Variants in HEMK2 observed in about 807,000 individuals in gnomAD.
HEMK2 encodes HemK methyltransferase 2, ETF1 glutamine and histone H4 lysine, also known as methyltransferase HEMK2.
chr21:28,841,424 TA>T, the HEMK2 span, among the ~76,000 whole-genome samples: 1 of 34,176 alleles, frequency 2.9e-5, no homozygotes, highest in Non-Finnish European at 4.2e-5. Flanking sequence ...ATTATATATA[TA>T]AAATATATAT....
At chr21:28,715,593 C>A in the HEMK2 span, among the ~76,000 whole-genome samples, 1 of 152,094 alleles carries the variant, frequency 6.6e-6, no homozygotes, top group African/African-American at 2.4e-5. Context: ...TGTAGGTTGT[C>A]TGTTTATTCT....
chr21:28,704,298 C>T, the HEMK2 span, among the ~76,000 whole-genome samples: 1 of 152,074 alleles, frequency 6.6e-6, no homozygotes, highest in Non-Finnish European at 1.5e-5. Flanking sequence ...CTTCTCAGAC[C>T]TCCTAATGCA....
chr21:28,733,064 G>A, the HEMK2 span, among the ~76,000 whole-genome samples: 2 of 152,132 alleles, frequency 1.3e-5, no homozygotes, highest in Admixed American at 1.3e-4. Flanking sequence ...TGGATCACAA[G>A]GTCAGGAGAT....
At chr21:28,840,646 G>A in the HEMK2 span, among the ~76,000 whole-genome samples, 3 of 151,850 alleles carry the variant, frequency 2.0e-5, no homozygotes, top group Admixed American at 6.6e-5. Flanking sequence ...AAACCACAAC[G>A]CAATACTACC....
the HEMK2 span, among the ~76,000 whole-genome samples, chr21:28,748,726 T>C: frequency 3.0e-3 from 464 of 152,314 alleles, 1 homozygote; most frequent in African/African-American, 0.011. Context: ...CTAATCTTCA[T>C]TTTAAAAATT....
the HEMK2 span, among the ~76,000 whole-genome samples, chr21:28,687,730 G>T: frequency 6.9e-4 from 105 of 152,304 alleles, no homozygotes; most frequent in African/African-American, 2.4e-3. Context: ...GTCAACTCAT[G>T]TAAAAGTACG....
At chr21:28,684,981 A>T in the HEMK2 span, among the ~76,000 whole-genome samples, 1 of 152,202 alleles carries the variant, frequency 6.6e-6, no homozygotes. Flanking sequence ...TAGGGAAATG[A>T]GTTCTGCATG....
At chr21:28,639,033 T>C in the HEMK2 span, among the ~76,000 whole-genome samples, 1 of 152,200 alleles carries the variant, frequency 6.6e-6, no homozygotes, top group Non-Finnish European at 1.5e-5. Flanking sequence ...TTTACCAAAC[T>C]GCTACAGAGA....
At chr21:28,751,925 G>A in the HEMK2 span, among the ~76,000 whole-genome samples, 2 of 151,944 alleles carry the variant, frequency 1.3e-5, no homozygotes, top group Non-Finnish European at 2.9e-5. Context: ...CAAAGTGCTA[G>A]GATTACAGGC....
At chr21:28,771,006 A>AAC in the HEMK2 span, among the ~76,000 whole-genome samples, 2 of 151,830 alleles carry the variant, frequency 1.3e-5, no homozygotes, top group South Asian at 2.1e-4. Flanking sequence ...ATAAGATTAA[A>AAC]ACACACACAC....
the HEMK2 span, among the ~76,000 whole-genome samples, chr21:28,831,634 GGAAAGAAAGAAAGAAAGAAA>G: frequency 3.0e-4 from 11 of 36,458 alleles, no homozygotes; most frequent in Admixed American, 9.1e-4. Flanking sequence ...AAAGAAGGAA[GGAAAGAAAGAAAGAAAGAAA>G]GAAAGAAAGA....
chr21:28,738,230 G>GTA, the HEMK2 span, among the ~76,000 whole-genome samples: 5 of 152,156 alleles, frequency 3.3e-5, no homozygotes, highest in Admixed American at 3.3e-4. Context: ...CTGGTGTTCT[G>GTA]TATTATTTCC....
At chr21:28,656,771 C>T in the HEMK2 span, among the ~76,000 whole-genome samples, 1 of 152,032 alleles carries the variant, frequency 6.6e-6, no homozygotes, top group Non-Finnish European at 1.5e-5. Flanking sequence ...AAGATAAGCC[C>T]ATCAACCAAA....
the HEMK2 span, among the ~76,000 whole-genome samples, chr21:28,755,866 G>A: frequency 6.6e-6 from 1 of 152,188 alleles, no homozygotes; most frequent in African/African-American, 2.4e-5. Flanking sequence ...ATACCCAGAT[G>A]CCTATATGCA....
chr21:28,654,801 A>G, the HEMK2 span, among the ~76,000 whole-genome samples: 1 of 152,096 alleles, frequency 6.6e-6, no homozygotes, highest in Non-Finnish European at 1.5e-5. Context: ...GTTTTCTGCA[A>G]TAGGGTTATT....
chr21:28,687,736 G>T, the HEMK2 span, among the ~76,000 whole-genome samples: 2 of 152,266 alleles, frequency 1.3e-5, no homozygotes, highest in Admixed American at 1.3e-4. Context: ...TCATGTAAAA[G>T]TACGTGACAA....
chr21:28,676,724 G>C, the HEMK2 span, among the ~76,000 whole-genome samples: 4 of 152,078 alleles, frequency 2.6e-5, no homozygotes, highest in Admixed American at 1.3e-4. Flanking sequence ...GCGGACCCTG[G>C]CTTTGTGGAG....
At chr21:28,691,690 G>C in the HEMK2 span, among the ~76,000 whole-genome samples, 1 of 134,430 alleles carries the variant, frequency 7.4e-6, no homozygotes, top group African/African-American at 3.2e-5. Context: ...ACAAACTCAA[G>C]TTGGCAAGAG....
At chr21:28,847,734 A>G in the HEMK2 span, among the ~76,000 whole-genome samples, 1 of 152,168 alleles carries the variant, frequency 6.6e-6, no homozygotes, top group Non-Finnish European at 1.5e-5. Flanking sequence ...ATTTTCTTCT[A>G]GGATTTTTAT....
Sources: allele counts gnomAD v4.1 joint callset (sites outside exome capture counted in the v4.1 genomes callset), GRCh38; gene constraint gnomAD v4.1.1; transcripts MANE v1.5; gene names NCBI Gene and HGNC (gene_info 2026-07-23, HGNC 2026-07-21).